The following PPP2R2C variants were observed in gnomAD, a reference collection of about 807,000 sequenced individuals.
PPP2R2C encodes the protein protein phosphatase 2, regulatory subunit B, gamma.
In PPP2R2C, 10 loss-of-function variants were observed where a neutral mutation model predicts 45.3. The ratio of observed to expected loss-of-function variants is 0.22; its 90% CI spans 0.14 to 0.37. PPP2R2C has a LOEUF of 0.37. PPP2R2C is among the 10% of genes least tolerant of loss of function. The pLI is 1.00. For missense variants in PPP2R2C, 308 were observed against 619.7 expected, an observed-to-expected ratio of 0.50 and a Z score of 5.34; for synonymous variants, 257 against 245.4, an observed-to-expected ratio of 1.05 and a Z score of -0.44.
At position 6,329,241 on chromosome 4, in the gene PPP2R2C, C is replaced by A; in HGVS notation, c.1052+21G>T. The stretch of plus-strand genomic sequence containing the variant: ...ACCCTCCCTACGGTGAGGTGAGGTG[C>A]GGGCTGAGGTCAGGGCTTACCTGTC... On this transcript the variant is annotated intron_variant, in intron 8 of 8. Transcript: ENST00000382599. The surrounding 1 kb of genome is among the most constrained non-coding windows in gnomAD (Gnocchi z 5.8). 6.2e-7 allele frequency: 1 copy of A among 1,606,430 alleles called. No individual in the cohort carries two copies. The highest frequency in any genetic ancestry group is 1.7e-5 in the Admixed American group (1 of 59,966).
chr4:6,424,482 G>T (rs550189429), intron 1 of PPP2R2C, among the ~76,000 whole-genome samples: 23 of 152,342 alleles, frequency 1.5e-4, no homozygotes, highest in African/African-American at 3.8e-4. Flanking sequence ...GGCACTGAGG[G>T]GTGACCATAG....
chr4:6,345,852 A>G lies in PPP2R2C; in HGVS notation c.790+1994T>C, dbSNP rs889706220. Reference sequence around the variant, plus strand: ...CTCAGCTGGTCTCCAGCCTCCCATCAGTCCACGGCCACTAACTCCACACTT... The same window carrying G: ...CTCAGCTGGTCTCCAGCCTCCCATCGGTCCACGGCCACTAACTCCACACTT... On this transcript the variant is annotated intron_variant, in intron 6 of 8. Transcript: ENST00000382599. This position sits in a 1 kb window ranked among gnomAD's most constrained non-coding sequence, Gnocchi z 5.3. 6.6e-6 allele frequency among the ~76,000 whole-genome samples: 1 copy of G among 152,080 alleles called. No individual in the cohort carries two copies. The highest frequency in any genetic ancestry group is 1.5e-5 in the Non-Finnish European group (1 of 67,994).
intron 1 of PPP2R2C, among the ~76,000 whole-genome samples, chr4:6,456,411 T>A (rs1291175523): frequency 6.6e-6 from 1 of 150,876 alleles, no homozygotes; most frequent in Admixed American, 6.6e-5. Context: ...CACCTTAACA[T>A]ACACACAACT....
chr4:6,374,311 T>G (rs753872110), intron 4 of PPP2R2C, among the ~76,000 whole-genome samples: 21 of 152,184 alleles, frequency 1.4e-4, no homozygotes, highest in African/African-American at 5.1e-4. Context: ...CTCCAGCCAT[T>G]TGCTGCCATC....
chr4:6,367,985 T>C (rs1040110226), intron 5 of PPP2R2C, among the ~76,000 whole-genome samples: 2 of 152,136 alleles, frequency 1.3e-5, no homozygotes, highest in Admixed American at 1.3e-4. Context: ...AAGGCCAGGG[T>C]GCTTTATGTT....
At position 6,520,072 on chromosome 4, in the gene PPP2R2C, G is replaced by A. The variant is rs146570026; in HGVS notation, c.49+15199C>T. On this transcript the variant is annotated intron_variant, in intron 2 of 9. Transcript: ENST00000506140. ...TTATTCCCCAGGGAGCCCCCAAGGCGCTTTAACAGGCAGAGAGGGACAGGA... is the reference window on the plus strand; with the variant it reads ...TTATTCCCCAGGGAGCCCCCAAGGCACTTTAACAGGCAGAGAGGGACAGGA... 3.0e-3 allele frequency among the ~76,000 whole-genome samples: 452 copies of A among 152,252 alleles called. 1 individual carries two copies. The highest frequency in any genetic ancestry group is 0.01 in the African/African-American group (420 of 41,540).
intron 1 of PPP2R2C, among the ~76,000 whole-genome samples, chr4:6,535,730 A>G (rs1724587019): frequency 6.6e-6 from 1 of 151,624 alleles, no homozygotes; most frequent in Non-Finnish European, 1.5e-5. Context: ...CTCACTAGGG[A>G]CTCCAGGTCA....
intron 1 of PPP2R2C, among the ~76,000 whole-genome samples, chr4:6,535,745 C>T (rs925410544): frequency 1.3e-5 from 2 of 152,200 alleles, no homozygotes; most frequent in African/African-American, 2.4e-5. Flanking sequence ...AGGTCACTCC[C>T]GCTTAAAAAC....
At chr4:6,358,340 A>G (rs896601250) in intron 5 of PPP2R2C, among the ~76,000 whole-genome samples, 13 of 152,202 alleles carry the variant, frequency 8.5e-5, no homozygotes, top group African/African-American at 3.1e-4. Context: ...TTAATTCAAG[A>G]TGGAGTAAAG....
chr4:6,505,097 T>C (rs969491681), intron 2 of PPP2R2C, among the ~76,000 whole-genome samples: 4 of 152,022 alleles, frequency 2.6e-5, no homozygotes, highest in Admixed American at 6.6e-5. Context: ...CTTGATCCAC[T>C]ACTGACTTCT....
intron 6 of PPP2R2C, among the ~76,000 whole-genome samples, chr4:6,343,244 C>G (rs561982659): frequency 6.6e-6 from 1 of 152,284 alleles, no homozygotes. Context: ...TTCAGCCACT[C>G]GCCCCAATGT....
chr4:6,391,321 G>C (rs145130142), intron 1 of PPP2R2C, among the ~76,000 whole-genome samples: 7 of 152,068 alleles, frequency 4.6e-5, no homozygotes, highest in Non-Finnish European at 8.8e-5. Context: ...CCTCCCTACC[G>C]TGTAGAGGAC....
chr4:6,367,205 C>T (rs1714400810), intron 5 of PPP2R2C, among the ~76,000 whole-genome samples: 3 of 151,954 alleles, frequency 2.0e-5, no homozygotes, highest in Non-Finnish European at 4.4e-5. Flanking sequence ...AAAGCAATGC[C>T]CTCTTTTTCT....
At chr4:6,437,965 A>G (rs980528167) in intron 1 of PPP2R2C, among the ~76,000 whole-genome samples, 3 of 152,224 alleles carry the variant, frequency 2.0e-5, no homozygotes, top group African/African-American at 7.2e-5. Context: ...AGTCTTCTGG[A>G]TCAATCCCAA....
intron 1 of PPP2R2C, among the ~76,000 whole-genome samples, chr4:6,385,482 T>A (rs1244260436): frequency 1.3e-5 from 2 of 152,170 alleles, no homozygotes; most frequent in African/African-American, 4.8e-5. Context: ...CCAGCTCCAA[T>A]ACCACCTCCT....
intron 1 of PPP2R2C, among the ~76,000 whole-genome samples, chr4:6,405,624 T>G (rs1481028679): frequency 6.6e-5 from 10 of 151,540 alleles, no homozygotes. Context: ...TCCTGGGGAG[T>G]GATTAGATGG....
chr4:6,333,771 C>T (rs747693581), intron 6 of PPP2R2C, 40 bp from the exon 7 acceptor site: 2 of 1,610,886 alleles, frequency 1.2e-6, no homozygotes, highest in Non-Finnish European at 8.5e-7. Flanking sequence ...CTGCGCTGCT[C>T]CCGCCCATGG....
intron 2 of PPP2R2C, among the ~76,000 whole-genome samples, chr4:6,513,472 C>G (rs918872170): frequency 6.6e-6 from 1 of 152,116 alleles, no homozygotes; most frequent in Non-Finnish European, 1.5e-5. Context: ...GAAGAGTGAG[C>G]CACAGAAAGG....
intron 2 of PPP2R2C, among the ~76,000 whole-genome samples, chr4:6,510,911 A>C (rs1340751286): frequency 1.4e-5 from 2 of 147,304 alleles, no homozygotes; most frequent in Non-Finnish European, 3.0e-5. Context: ...CGGGAGGCAA[A>C]GGTTGCAGTG....
Sources: allele counts gnomAD v4.1 joint callset (sites outside exome capture counted in the v4.1 genomes callset), GRCh38; gene constraint gnomAD v4.1.1; non-coding constraint Gnocchi (gnomAD v3.1); transcripts MANE v1.5; gene names NCBI Gene and HGNC (gene_info 2026-07-23, HGNC 2026-07-21).